Variants in RIMS1 observed in about 807,000 individuals in gnomAD.
RIMS1 encodes the protein regulating synaptic membrane exocytosis 1.
In RIMS1, 83 loss-of-function variants were observed where a neutral mutation model predicts 214.1. The observed-to-expected ratio is 0.39, with a 90% confidence interval of 0.32 to 0.47. The LOEUF (loss-of-function observed/expected upper bound fraction) is 0.47, where lower values mean the gene tolerates loss of function less well. Among genes scored for constraint, RIMS1 ranks in the 20% least tolerant of loss-of-function variants. RIMS1 has a pLI of 0.99. For missense variants in RIMS1, 2,050 were observed against 2,161.8 expected (o/e 0.95, Z 1.03); for synonymous variants, 793 against 786.8 (o/e 1.01, Z -0.13).
intron 4 of RIMS1, among the ~76,000 whole-genome samples, chr6:72,131,884 T>C (rs371787695): frequency 6.6e-5 from 10 of 152,174 alleles, no homozygotes; most frequent in African/African-American, 2.4e-4. Context: ...CATATTCTCT[T>C]TCCCAGGGAT....
chr6:72,231,034 A>T (rs1589785436), intron 6 of RIMS1, among the ~76,000 whole-genome samples: 1 of 151,618 alleles, frequency 6.6e-6, no homozygotes, highest in Non-Finnish European at 1.5e-5. Flanking sequence ...CAGCTATGCC[A>T]CCTGGCAGCC....
intron 1 of RIMS1, among the ~76,000 whole-genome samples, chr6:71,965,570 A>T (rs1306673039): frequency 1.3e-5 from 2 of 152,198 alleles, no homozygotes; most frequent in Admixed American, 1.3e-4. Context: ...GCAACCATTC[A>T]TCGCATTGAT....
intron 6 of RIMS1, 97 bp from the exon 7 acceptor site, chr6:72,233,676 A>G (rs375455896): frequency 2.3e-6 from 2 of 884,714 alleles, no homozygotes; most frequent in Admixed American, 2.0e-5. Flanking sequence ...CAAGCTTATG[A>G]TATTAAAACT....
At chr6:72,092,536 C>T (rs954913160) in intron 2 of RIMS1, among the ~76,000 whole-genome samples, 4 of 152,032 alleles carry the variant, frequency 2.6e-5, no homozygotes, top group South Asian at 2.1e-4. Context: ...CCTACTGGGA[C>T]GTCTATACCA....
chr6:71,961,510 A>G (rs911887340), intron 1 of RIMS1, among the ~76,000 whole-genome samples: 2 of 152,046 alleles, frequency 1.3e-5, no homozygotes, highest in African/African-American at 4.8e-5. Flanking sequence ...TTTTCTCAGT[A>G]CAGCTTTCAT....
intron 26 of RIMS1, among the ~76,000 whole-genome samples, chr6:72,292,438 T>A (rs1301637325): frequency 1.3e-5 from 2 of 152,212 alleles, no homozygotes; most frequent in African/African-American, 2.4e-5. Flanking sequence ...ACTGAATCCT[T>A]TACAAATTTT....
intron 19 of RIMS1, chr6:72,262,234 T>C (rs2154166124): frequency 1.3e-6 from 1 of 793,314 alleles, no homozygotes; most frequent in Non-Finnish European, 1.5e-6. Flanking sequence ...TATAATATTA[T>C]ATAATAGTTG....
chr6:72,206,521 C>T (rs2052943874), intron 6 of RIMS1, among the ~76,000 whole-genome samples: 1 of 151,668 alleles, frequency 6.6e-6, no homozygotes, highest in African/African-American at 2.4e-5. Flanking sequence ...TTGGTTACTT[C>T]TCATTTTCCC....
At chr6:71,941,129 G>T (rs1477587160) in intron 1 of RIMS1, among the ~76,000 whole-genome samples, 1 of 151,578 alleles carries the variant, frequency 6.6e-6, no homozygotes, top group Non-Finnish European at 1.5e-5. Flanking sequence ...TTTCACCCGG[G>T]CATATTTAGT....
chr6:71,990,641 G>A (rs1292611000), intron 2 of RIMS1, among the ~76,000 whole-genome samples: 2 of 152,064 alleles, frequency 1.3e-5, no homozygotes, highest in African/African-American at 4.8e-5. Flanking sequence ...ATCGGAGATG[G>A]CTTCCATGAG....
intron 2 of RIMS1, among the ~76,000 whole-genome samples, chr6:72,067,996 T>G (rs1829717949): frequency 6.6e-6 from 1 of 152,210 alleles, no homozygotes; most frequent in Admixed American, 6.5e-5. Flanking sequence ...AGTTCATGCT[T>G]GACCCAAACT....
intron 6 of RIMS1, among the ~76,000 whole-genome samples, chr6:72,193,176 GA>G (rs1431866353): frequency 1.3e-5 from 2 of 152,316 alleles, no homozygotes; most frequent in African/African-American, 4.8e-5. Context: ...TGGAGGGTTG[GA>G]GCTTGTCTGA....
intron 4 of RIMS1, among the ~76,000 whole-genome samples, chr6:72,126,142 T>C (rs1468183634): frequency 6.3e-5 from 9 of 143,098 alleles, no homozygotes. Context: ...AACTGATCTT[T>C]AATAAAGCAT....
rs552801712 is a variant in RIMS1 at position 72,317,810 on chromosome 6, T to C, written c.4130+4138T>C. Among the ~76,000 whole-genome samples, 99 of 152,312 alleles carry C rather than the reference T, an allele frequency of 6.5e-4. 1 individual carries two copies. The South Asian group carries it at 0.017, about 26-fold the overall frequency. On this transcript the variant is annotated intron_variant, in intron 28 of 33. Coordinates refer to ENST00000521978, the MANE Select transcript of RIMS1 (RefSeq NM_014989.7). ...AATTGCTTTACTACTCTTTTGCCTA[T>C]TCGATTTGGTATTTACTGAAAATGC...
intron 1 of RIMS1, among the ~76,000 whole-genome samples, chr6:71,909,754 T>G (rs1489285129): frequency 6.6e-6 from 1 of 152,158 alleles, no homozygotes; most frequent in Non-Finnish European, 1.5e-5. Context: ...CTGAAGTGGT[T>G]TGTAATTATT....
chr6:72,280,825 C>T (rs2089740994), intron 23 of RIMS1, among the ~76,000 whole-genome samples: 1 of 152,000 alleles, frequency 6.6e-6, no homozygotes, highest in African/African-American at 2.4e-5. Context: ...ATATTTAAAG[C>T]AATATTTTCA....
chr6:72,104,004 T>C (rs1399756621), intron 4 of RIMS1, among the ~76,000 whole-genome samples: 1 of 152,196 alleles, frequency 6.6e-6, no homozygotes, highest in Non-Finnish European at 1.5e-5. Flanking sequence ...TTAAGACATA[T>C]TCAAAGTTTT....
intron 4 of RIMS1, among the ~76,000 whole-genome samples, chr6:72,126,505 G>A (rs2039528074): frequency 6.6e-6 from 1 of 151,744 alleles, no homozygotes; most frequent in South Asian, 2.1e-4. Flanking sequence ...TAGGGGAAGA[G>A]CTTCACAAAC....
At chr6:72,352,189 T>G (rs1299532619) in intron 29 of RIMS1, among the ~76,000 whole-genome samples, 1 of 152,216 alleles carries the variant, frequency 6.6e-6, no homozygotes, top group Non-Finnish European at 1.5e-5. Flanking sequence ...TTCTGTATAC[T>G]TACAAGAAAA....
Sources: allele counts gnomAD v4.1 joint callset (sites outside exome capture counted in the v4.1 genomes callset), GRCh38; gene constraint gnomAD v4.1.1; transcripts MANE v1.5; gene names NCBI Gene and HGNC (gene_info 2026-07-23, HGNC 2026-07-21).